RERE: variants seen among roughly 807,000 people sequenced by gnomAD.
RERE encodes the protein arginine-glutamic acid dipeptide repeats, also known as arginine-glutamic acid dipeptide repeats protein.
In RERE, 40 loss-of-function variants were observed where a neutral mutation model predicts 146.1. The observed-to-expected ratio is 0.27, with a 90% confidence interval of 0.21 to 0.36. RERE has a LOEUF of 0.36. Ranked by LOEUF, RERE falls within the 10% of genes least tolerant of loss-of-function variation. The pLI, the probability that RERE is intolerant of heterozygous loss-of-function variation, is 1.00. For missense variants in RERE, 1,933 were observed against 2,138.7 expected (o/e 0.90, Z 1.90); for synonymous variants, 1,003 against 866.0 (o/e 1.16, Z -2.78).
intron 2 of RERE, among the ~76,000 whole-genome samples, chr1:8,650,307 C>T (rs1043776456): frequency 5.3e-5 from 8 of 152,180 alleles, no homozygotes; most frequent in African/African-American, 1.9e-4. Flanking sequence ...CTACCTTTAT[C>T]CTCAAAGTAT....
At chr1:8,606,107 C>T (rs1646705685) in intron 4 of RERE, among the ~76,000 whole-genome samples, 1 of 152,148 alleles carries the variant, frequency 6.6e-6, no homozygotes, top group Admixed American at 6.5e-5. Flanking sequence ...TGGGTTACCA[C>T]ACCCAGCCAA....
intron 1 of RERE, among the ~76,000 whole-genome samples, chr1:8,797,155 C>T (rs1397562282): frequency 6.6e-6 from 1 of 152,084 alleles, no homozygotes; most frequent in Admixed American, 6.5e-5. Flanking sequence ...AGGAGGATCA[C>T]TTGAGGCCAG....
At chr1:8,625,910 T>C (rs1209047107) in intron 2 of RERE, among the ~76,000 whole-genome samples, 1 of 152,186 alleles carries the variant, frequency 6.6e-6, no homozygotes, top group African/African-American at 2.4e-5. Flanking sequence ...ATGCCAACTA[T>C]TTAGGCATTC....
At chr1:8,529,378 G>A (rs1029856632) in intron 7 of RERE, among the ~76,000 whole-genome samples, 4 of 145,304 alleles carry the variant, frequency 2.8e-5, no homozygotes, top group African/African-American at 1.0e-4. Context: ...CAAGCTCCGG[G>A]TCCTAGGTTC....
intron 1 of RERE, among the ~76,000 whole-genome samples, chr1:8,755,158 A>G (rs2124521839): frequency 6.6e-6 from 1 of 152,376 alleles, no homozygotes; most frequent in East Asian, 1.9e-4. Flanking sequence ...GGTAACAGAC[A>G]TAAAAGGCGG....
rs775671745 is a variant in RERE, at chr1:8,356,076, C to T, written c.4486+24G>A. The T allele has an allele frequency of 3.1e-5, 45 of 1,472,674 alleles. No homozygotes were observed. Among genetic ancestry groups the T allele is most frequent in the Non-Finnish European group, 4.0e-5 (45 of 1,115,082 alleles). 91.2% of individuals were successfully genotyped at this position (1,472,674 alleles called of 1,614,324 possible). On this transcript the variant is annotated intron_variant, in intron 21 of 22. Coordinates refer to ENST00000400908, the MANE Select transcript of RERE (RefSeq NM_001042681.2). The surrounding 1 kb of genome is among the most constrained non-coding windows in gnomAD (Gnocchi z 5.2). ...ACCCAACCCTCACACGGCCTCCCCG[C>T]CCCTCCTGGAGGGGAAGTCTTACCG... is the stretch of plus-strand genomic sequence containing the variant.
chr1:8,676,142 TC>T (rs769165625), intron 1 of RERE, among the ~76,000 whole-genome samples: 1 of 152,284 alleles, frequency 6.6e-6, no homozygotes, highest in East Asian at 1.9e-4. Flanking sequence ...GTGTAATTCA[TC>T]TCCACATTAC....
chr1:8,616,736 C>T (rs1030738315), intron 3 of RERE, among the ~76,000 whole-genome samples: 3 of 152,198 alleles, frequency 2.0e-5, no homozygotes, highest in African/African-American at 7.2e-5. Context: ...AATTACCCAA[C>T]CTCACAGTAG....
intron 6 of RERE, among the ~76,000 whole-genome samples, chr1:8,548,679 G>A (rs578066297): frequency 5.3e-5 from 8 of 152,264 alleles, no homozygotes; most frequent in Admixed American, 4.6e-4. Context: ...TATAAATAAC[G>A]GAAAGTGAAG....
At chr1:8,644,659 C>T (rs1647241996) in intron 2 of RERE, among the ~76,000 whole-genome samples, 1 of 152,160 alleles carries the variant, frequency 6.6e-6, no homozygotes, top group African/African-American at 2.4e-5. Flanking sequence ...TTACTACTCA[C>T]CTTCTCAGCT....
In RERE at chr1:8,354,263, G is replaced by A. The variant is rs146853512; in HGVS notation, c.*824C>T. 6.6e-6 allele frequency: 1 copy of A among 152,580 alleles called. No individual in the cohort carries two copies. The highest frequency in any genetic ancestry group is 1.5e-5 in the Non-Finnish European group (1 of 68,042). The allele number at this position is 152,580 out of a possible 1,614,324, so 9.5% of individuals were successfully genotyped here. A position where few individuals can be genotyped will look rare whatever the true frequency, so the allele number is the denominator to read the frequency against. ...GTGCTGCTGGCAGAGCACAGGCTAGGAGCAGACACAAGTGAAACGCCAGGC... is the reference window on the plus strand; with the variant it reads ...GTGCTGCTGGCAGAGCACAGGCTAGAAGCAGACACAAGTGAAACGCCAGGC... On this transcript the variant is annotated 3_prime_UTR_variant, in exon 23 of 23. Coordinates refer to ENST00000400908, the MANE Select transcript of RERE (RefSeq NM_001042681.2).
intron 10 of RERE, among the ~76,000 whole-genome samples, chr1:8,470,813 C>CTTTTTTTTTTTT (rs71580028): frequency 2.7e-5 from 2 of 74,566 alleles, no homozygotes; most frequent in Non-Finnish European, 4.6e-5. Flanking sequence ...AAAGAAATAC[C>CTTTTTTTTTTTT]TTTTTTTTTT....
intron 4 of RERE, among the ~76,000 whole-genome samples, chr1:8,604,607 AG>A (rs1646676197): frequency 5.4e-5 from 4 of 74,090 alleles, no homozygotes; most frequent in South Asian, 5.7e-4. Context: ...GAAGGGAGGG[AG>A]GGAGGGAGGG....
At chr1:8,419,399 T>C (rs1238783118) in intron 12 of RERE, among the ~76,000 whole-genome samples, 1 of 152,200 alleles carries the variant, frequency 6.6e-6, no homozygotes, top group Admixed American at 6.5e-5. Flanking sequence ...TTTACGTCTA[T>C]GCCCACCAGG....
intron 1 of RERE, among the ~76,000 whole-genome samples, chr1:8,700,044 T>A (rs1355709978): frequency 1.3e-5 from 2 of 152,210 alleles, no homozygotes; most frequent in Non-Finnish European, 2.9e-5. Flanking sequence ...CAGTGGCTCA[T>A]GCCTGTAATA....
chr1:8,421,489 A>G (rs1448199791), intron 12 of RERE, among the ~76,000 whole-genome samples: 1 of 152,180 alleles, frequency 6.6e-6, no homozygotes. Context: ...ACCATTCTCA[A>G]TATGATCCAT....
intron 7 of RERE, chr1:8,525,906 G>C: frequency 7.1e-7 from 1 of 1,409,012 alleles, no homozygotes; most frequent in Non-Finnish European, 9.2e-7. Context: ...AGACCTCATA[G>C]AGCTTTCACT....
chr1:8,758,223 T>C (rs1426062900), intron 1 of RERE, among the ~76,000 whole-genome samples: 1 of 151,448 alleles, frequency 6.6e-6, no homozygotes, highest in Non-Finnish European at 1.5e-5. Flanking sequence ...GTAGCTGGGA[T>C]TACAGGCCTG....
chr1:8,502,247 CG>C (rs1441724835), intron 8 of RERE, among the ~76,000 whole-genome samples: 4 of 105,998 alleles, frequency 3.8e-5, no homozygotes, highest in Non-Finnish European at 7.9e-5. Flanking sequence ...CCACCCCGTC[CG>C]GGAGGTGAGG....
Sources: gnomAD v4.1 joint callset for allele counts (sites outside exome capture counted in the v4.1 genomes callset) on GRCh38, gnomAD v4.1.1 for gene constraint, Gnocchi (gnomAD v3.1) non-coding constraint, MANE v1.5 for transcripts, NCBI Gene and HGNC (gene_info 2026-07-23, HGNC 2026-07-21) for gene names.